CHD9: variants seen among roughly 807,000 people sequenced by gnomAD.
CHD9 encodes ATP-dependent chromatin remodeler CHD9.
A neutral mutation model predicts 316.1 loss-of-function variants in CHD9; 77 were observed. That is an observed-to-expected ratio of 0.24 (90% CI 0.20 to 0.29). CHD9 has a LOEUF of 0.29. CHD9 is among the 10% of genes least tolerant of loss of function. The pLI is 1.00. For missense variants in CHD9, 2,763 were observed against 3,438.1 expected (o/e 0.80, Z 4.91); for synonymous variants, 1,129 against 1,158.3 (o/e 0.97, Z 0.51).
intron 2 of CHD9, among the ~76,000 whole-genome samples, chr16:53,183,294 C>T (rs899629511): frequency 1.3e-5 from 2 of 152,130 alleles, no homozygotes; most frequent in African/African-American, 4.8e-5. Context: ...GGCCCATTGA[C>T]ATTTTTTTCC....
At chr16:53,097,122 A>G (rs956110732) in intron 1 of CHD9, among the ~76,000 whole-genome samples, 3 of 152,098 alleles carry the variant, frequency 2.0e-5, no homozygotes. Flanking sequence ...ATAACCAGAG[A>G]TAGGGTCACA....
rs147949456 is a variant in CHD9 at position 53,233,097 on chromosome 16, C to G, written c.2511+1313C>G. Among the ~76,000 whole-genome samples the G allele has an allele frequency of 2.3e-3, 357 of 152,250 alleles. 1 individual carries two copies. The highest frequency in any genetic ancestry group is 4.5e-3 in the Non-Finnish European group (306 of 68,006). On this transcript the variant is annotated intron_variant, in intron 10 of 38. Coordinates refer to ENST00000447540, the MANE Select transcript of CHD9 (RefSeq NM_001308319.2). ...TACCCAGCTCTAATTCACCATCTAC[C>G]CAGATATAGCATCAGATCCCACATC... is the stretch of plus-strand genomic sequence containing the variant.
intron 2 of CHD9, among the ~76,000 whole-genome samples, chr16:53,202,655 GAAAC>G (rs2045564425): frequency 6.6e-6 from 1 of 151,790 alleles, no homozygotes; most frequent in African/African-American, 2.4e-5. Flanking sequence ...ATTTAAAAAA[GAAAC>G]AAAACTTGTA....
intron 17 of CHD9, among the ~76,000 whole-genome samples, chr16:53,251,633 G>A (rs368160447): frequency 6.6e-6 from 1 of 152,178 alleles, no homozygotes; most frequent in Non-Finnish European, 1.5e-5. Context: ...TTTGTCTGAA[G>A]ATAATGGAAA....
intron 11 of CHD9, among the ~76,000 whole-genome samples, chr16:53,235,572 CCTT>C (rs1253508314): frequency 6.6e-6 from 1 of 152,078 alleles, no homozygotes; most frequent in Non-Finnish European, 1.5e-5. Flanking sequence ...TCCTAAGAAA[CCTT>C]CTGTGTTATA....
chr16:53,214,913 A>G (rs939251566), intron 3 of CHD9, among the ~76,000 whole-genome samples: 59 of 110,880 alleles, frequency 5.3e-4, no homozygotes, highest in Non-Finnish European at 9.4e-4. Flanking sequence ...AACAATATAT[A>G]TCTTTTTTTT....
chr16:53,172,211 C>G (rs2042810948), intron 2 of CHD9, among the ~76,000 whole-genome samples: 1 of 152,092 alleles, frequency 6.6e-6, no homozygotes, highest in Admixed American at 6.5e-5. Flanking sequence ...CCTTCGCGCA[C>G]CCAGACAACC....
At chr16:53,072,591 G>A (rs954082334) in intron 1 of CHD9, among the ~76,000 whole-genome samples, 2 of 151,662 alleles carry the variant, frequency 1.3e-5, no homozygotes, top group Non-Finnish European at 1.5e-5. Flanking sequence ...ATGTTGCCTG[G>A]TCTCGAACTC....
At chr16:53,254,812 A>G (rs1457630834) in intron 18 of CHD9, 3 of 378,338 alleles carry the variant, frequency 7.9e-6, no homozygotes, top group Non-Finnish European at 9.3e-6. Flanking sequence ...TGAATTCTAA[A>G]TGTATTTTCA....
At chr16:53,146,419 G>GTATATATATATATATATATATATATATA (rs757165644) in intron 1 of CHD9, among the ~76,000 whole-genome samples, 2,176 of 75,442 alleles carry the variant, frequency 0.029, 122 homozygotes, top group Non-Finnish European at 0.037. Flanking sequence ...GTGTGTGTAT[G>GTATATATATATATATATATATATATATA]TATATATATA....
In CHD9 at chr16:53,202,044, A is replaced by G. The variant is rs111383495; in HGVS notation, c.1453-7438A>G. ...TAGCTAAGTTTAAATTTTTTTTTTT[A>G]AGAGATTGTGTCTTGCTATGTTGCC... On this transcript the variant is annotated intron_variant, in intron 2 of 38. Coordinates refer to ENST00000447540, the MANE Select transcript of CHD9 (RefSeq NM_001308319.2). 3.0e-3 allele frequency among the ~76,000 whole-genome samples: 449 copies of G among 151,416 alleles called. 6 individuals are homozygous for G. The highest frequency in any genetic ancestry group is 0.01 in the African/African-American group (422 of 41,318).
intron 27 of CHD9, among the ~76,000 whole-genome samples, chr16:53,290,379 C>T (rs1597844027): frequency 6.6e-6 from 1 of 152,176 alleles, no homozygotes; most frequent in Non-Finnish European, 1.5e-5. Flanking sequence ...AACCCTTTTC[C>T]TCTACAGTGT....
intron 24 of CHD9, among the ~76,000 whole-genome samples, chr16:53,284,040 G>C (rs1326275513): frequency 6.6e-6 from 1 of 151,948 alleles, no homozygotes; most frequent in African/African-American, 2.4e-5. Context: ...TCGATCACTT[G>C]TTTGTTTATT....
chr16:53,086,094 G>T (rs1423748085), intron 1 of CHD9, among the ~76,000 whole-genome samples: 2 of 152,134 alleles, frequency 1.3e-5, no homozygotes, highest in Non-Finnish European at 2.9e-5. Flanking sequence ...GGAAAGAAAA[G>T]AAAAGAACAG....
chr16:53,110,374 A>T (rs959816690), intron 1 of CHD9, among the ~76,000 whole-genome samples: 1 of 152,184 alleles, frequency 6.6e-6, no homozygotes, highest in Non-Finnish European at 1.5e-5. Context: ...AGGCCAGATG[A>T]TCAACTGAGC....
chr16:53,114,036 G>A (rs557661963), intron 1 of CHD9, among the ~76,000 whole-genome samples: 6 of 151,432 alleles, frequency 4.0e-5, no homozygotes, highest in African/African-American at 1.5e-4. Flanking sequence ...TGAGGAAAAG[G>A]GTTATTAATT....
chr16:53,240,820 T>C (rs1035161770), intron 12 of CHD9, among the ~76,000 whole-genome samples: 1 of 152,136 alleles, frequency 6.6e-6, no homozygotes, highest in Non-Finnish European at 1.5e-5. Context: ...TTAATCTTTG[T>C]AATATCAACC....
At chr16:53,230,838 T>C (rs1187350043) in intron 8 of CHD9, among the ~76,000 whole-genome samples, 1 of 152,160 alleles carries the variant, frequency 6.6e-6, no homozygotes, top group East Asian at 1.9e-4. Flanking sequence ...TTACTCGATG[T>C]AGAGGGTAAA....
chr16:53,154,720 G>A (rs1359639634), intron 1 of CHD9, among the ~76,000 whole-genome samples: 1 of 152,300 alleles, frequency 6.6e-6, no homozygotes, highest in East Asian at 1.9e-4. Flanking sequence ...GACAGGAGGC[G>A]GAGCTCAGGC....
Sources: allele counts gnomAD v4.1 joint callset (sites outside exome capture counted in the v4.1 genomes callset), GRCh38; gene constraint gnomAD v4.1.1; transcripts MANE v1.5; gene names NCBI Gene and HGNC (gene_info 2026-07-23, HGNC 2026-07-21).